DNAI4: variants seen among roughly 807,000 people sequenced by gnomAD.
DNAI4 encodes dynein axonemal intermediate chain 4.
In DNAI4, 85 loss-of-function variants were observed where a neutral mutation model predicts 105.8. The ratio of observed to expected loss-of-function variants is 0.80; its 90% CI spans 0.67 to 0.96. The LOEUF is 0.96. DNAI4 is among the 40% of genes least tolerant of loss of function. The pLI is 0.00. For synonymous variants in DNAI4, 352 were observed against 331.5 expected, an observed-to-expected ratio of 1.06 and a Z score of -0.67; for missense variants, 1,014 against 1,005.6, an observed-to-expected ratio of 1.01 and a Z score of -0.11.
At chr1:66,818,279 C>T (rs1645558259) in intron 16 of DNAI4, among the ~76,000 whole-genome samples, 1 of 151,816 alleles carries the variant, frequency 6.6e-6, no homozygotes, top group Admixed American at 6.6e-5. Flanking sequence ...GTATTCATCA[C>T]ATTTAAAATT....
At chr1:66,865,008 T>C (rs2100623211) in intron 6 of DNAI4, among the ~76,000 whole-genome samples, 1 of 152,328 alleles carries the variant, frequency 6.6e-6, no homozygotes, top group East Asian at 1.9e-4. Context: ...ATTGATTTTT[T>C]CTTTACACTA....
chr1:66,892,398 C>T (rs1164024961), intron 3 of DNAI4, among the ~76,000 whole-genome samples: 2 of 152,136 alleles, frequency 1.3e-5, no homozygotes, highest in Admixed American at 6.6e-5. Context: ...TAAAATGCAG[C>T]TCAAAAGAAG....
intron 6 of DNAI4, 65 bp from the exon 7 acceptor site, chr1:66,862,367 A>C: frequency 6.7e-7 from 1 of 1,483,248 alleles, no homozygotes; most frequent in Non-Finnish European, 9.2e-7. Flanking sequence ...AGCTTTATAC[A>C]TAACTAGTCA....
In DNAI4 at chr1:66,822,420, C is replaced by T; in HGVS notation, c.2437G>A (p.Asp813Asn). 6.2e-7 allele frequency: 1 copy of T among 1,613,622 alleles called. No individual in the cohort carries two copies. Among genetic ancestry groups the T allele is most frequent in the Non-Finnish European group, 8.5e-7 (1 of 1,179,800 alleles). ...AGTTCATACACAGAAACCTGTCCATCACTGTCTCCTACCAGAAGGCAATCT... is the reference window on the plus strand; with the variant it reads ...AGTTCATACACAGAAACCTGTCCATTACTGTCTCCTACCAGAAGGCAATCT... ...QTDCLLVGDS[D>N]GQVSVYELRN... The change falls in exon 16 of 17, where the codon GAT becomes AAT. Residue 813 changes from aspartate to asparagine, a missense_variant. Transcript: ENST00000371026.
At chr1:66,823,105 G>A (rs985355361) in intron 15 of DNAI4, among the ~76,000 whole-genome samples, 7 of 131,212 alleles carry the variant, frequency 5.3e-5, no homozygotes, top group Non-Finnish European at 9.6e-5. Flanking sequence ...TCCCCTTCCC[G>A]TGTCCATGTG....
chr1:66,836,300 GAAAGAAAGAA>G (rs1557909031), intron 10 of DNAI4, among the ~76,000 whole-genome samples: 6 of 150,160 alleles, frequency 4.0e-5, no homozygotes, highest in Non-Finnish European at 7.4e-5. Flanking sequence ...AAGAAAGAAA[GAAAGAAAGAA>G]AGAAAGAAAG....
chr1:66,847,703 T>A, intron 7 of DNAI4, 25 bp from the exon 8 acceptor site: 2 of 1,495,404 alleles, frequency 1.3e-6, no homozygotes, highest in Non-Finnish European at 1.8e-6. Flanking sequence ...CATGATACAA[T>A]GATAAAATAT....
At chr1:66,858,930 T>C (rs1646563862) in intron 7 of DNAI4, among the ~76,000 whole-genome samples, 1 of 151,768 alleles carries the variant, frequency 6.6e-6, no homozygotes, top group Non-Finnish European at 1.5e-5. Context: ...CAGGAGAAAA[T>C]GGTGATAAGT....
At chr1:66,918,420 C>T (rs1650221738) in intron 1 of DNAI4, among the ~76,000 whole-genome samples, 1 of 151,858 alleles carries the variant, frequency 6.6e-6, no homozygotes, top group Non-Finnish European at 1.5e-5. Context: ...TCTTTTTTGC[C>T]CCATTTTTCC....
chr1:66,820,993 T>C lies in DNAI4; in HGVS notation c.2496+1368A>G, dbSNP rs531107092. ...TCTTATCATCTCATGAGTAATGCTA[T>C]AGTTAATTTATTTTATTAAATTTAT... is the stretch of plus-strand genomic sequence containing the variant. On this transcript the variant is annotated intron_variant, in intron 16 of 16. Transcript: ENST00000371026. Among the ~76,000 whole-genome samples the C allele has an allele frequency of 9.2e-5, 14 of 152,138 alleles. No homozygotes were observed. The South Asian group carries it at 1.7e-3, about 18-fold the overall frequency.
chr1:66,900,616 ACTT>A (rs1648734791), intron 2 of DNAI4, among the ~76,000 whole-genome samples: 1 of 152,260 alleles, frequency 6.6e-6, no homozygotes, highest in African/African-American at 2.4e-5. Context: ...TACATTTTGC[ACTT>A]CTTTTATTAC....
chr1:66,862,072 T>A, intron 7 of DNAI4, 75 bp downstream of exon 7: 1 of 1,402,600 alleles, frequency 7.1e-7, no homozygotes, highest in Non-Finnish European at 9.6e-7. Context: ...AAAACATTGT[T>A]AACTGCCAAA....
At chr1:66,900,679 ATTCT>A (rs1244485345) in intron 2 of DNAI4, among the ~76,000 whole-genome samples, 2 of 152,304 alleles carry the variant, frequency 1.3e-5, no homozygotes, top group Admixed American at 6.5e-5. Flanking sequence ...GAAATAAATC[ATTCT>A]TAATTTTCAA....
At chr1:66,869,950 G>T (rs969580926) in intron 6 of DNAI4, among the ~76,000 whole-genome samples, 17 of 152,176 alleles carry the variant, frequency 1.1e-4, no homozygotes, top group African/African-American at 3.9e-4. Flanking sequence ...AATAGAAAGA[G>T]ATGGAGATAA....
intron 1 of DNAI4, among the ~76,000 whole-genome samples, chr1:66,919,794 C>G (rs1650328377): frequency 6.6e-6 from 1 of 152,228 alleles, no homozygotes; most frequent in Non-Finnish European, 1.5e-5. Context: ...ATACCCAACT[C>G]TGGCCCCCAA....
intron 3 of DNAI4, among the ~76,000 whole-genome samples, chr1:66,893,008 AGAGAG>A (rs1557964819): frequency 1.8e-5 from 2 of 110,256 alleles, no homozygotes; most frequent in East Asian, 2.2e-4. Flanking sequence ...AGAGAAAGAG[AGAGAG>A]GAAAGAAAGA....
At chr1:66,911,551 A>T (rs991637364) in intron 1 of DNAI4, among the ~76,000 whole-genome samples, 1 of 152,190 alleles carries the variant, frequency 6.6e-6, no homozygotes, top group Non-Finnish European at 1.5e-5. Flanking sequence ...AGCTACCTAG[A>T]AGGTACTAGT....
At chr1:66,850,732 T>C (rs1454217931) in intron 7 of DNAI4, among the ~76,000 whole-genome samples, 1 of 151,922 alleles carries the variant, frequency 6.6e-6, no homozygotes, top group Non-Finnish European at 1.5e-5. Flanking sequence ...GGGTGGAATC[T>C]AAAGGGAGGT....
chr1:66,893,166 C>T, intron 3 of DNAI4, 63 bp downstream of exon 3: 1 of 929,040 alleles, frequency 1.1e-6, no homozygotes, highest in Non-Finnish European at 1.5e-6. Context: ...TACACATTTG[C>T]AATTTAAATG....
Sources: gnomAD v4.1 joint callset for allele counts (sites outside exome capture counted in the v4.1 genomes callset) on GRCh38, gnomAD v4.1.1 for gene constraint, MANE v1.5 for transcripts, NCBI Gene and HGNC (gene_info 2026-07-23, HGNC 2026-07-21) for gene names.